Variants in DHX15 observed in about 807,000 individuals in gnomAD.
DHX15 encodes the protein ATP-dependent RNA helicase DHX15.
In DHX15, 11 loss-of-function variants were observed where a neutral mutation model predicts 94.4. The observed-to-expected ratio is 0.12, with a 90% confidence interval of 0.07 to 0.19. The LOEUF is 0.19. Among genes scored for constraint, DHX15 ranks in the 10% least tolerant of loss-of-function variants. DHX15 has a pLI of 1.00. For synonymous variants in DHX15, 338 were observed against 329.9 expected (o/e 1.02, Z -0.27); for missense variants, 304 against 988.5 (o/e 0.31, Z 9.29).
intron 13 of DHX15, 54 bp from the exon 14 acceptor site, chr4:24,528,095 G>A: frequency 8.0e-7 from 1 of 1,249,720 alleles, no homozygotes; most frequent in Non-Finnish European, 1.2e-6. Flanking sequence ...TGAAGTACTG[G>A]AGTTGTTAAT....
intron 2 of DHX15, among the ~76,000 whole-genome samples, chr4:24,574,041 CAA>C (rs10567935): frequency 0.071 from 9,041 of 127,678 alleles, 357 homozygotes; most frequent in African/African-American, 0.12. Flanking sequence ...ATTAAAAATA[CAA>C]AAAAAAAAAA....
chr4:24,530,046 A>T (rs535320859), intron 12 of DHX15: 4 of 480,378 alleles, frequency 8.3e-6, no homozygotes, highest in Non-Finnish European at 1.1e-5. Context: ...TCCGTGAAGC[A>T]TGAGTAGCAT....
chr4:24,559,387 A>AG (rs1553951045), intron 3 of DHX15, among the ~76,000 whole-genome samples: 6 of 148,774 alleles, frequency 4.0e-5, no homozygotes, highest in Non-Finnish European at 6.0e-5. Flanking sequence ...AAAAAAAAAA[A>AG]AAAAAAAAAG....
Position 24,576,502 on chromosome 4 carries a change from G to A in DHX15, c.248C>T (p.Ala83Val), listed in dbSNP as rs1341748575. 6.2e-7 allele frequency: 1 copy of A among 1,614,056 alleles called. No individual in the cohort carries two copies. The highest frequency in any genetic ancestry group is 8.5e-7 in the Non-Finnish European group (1 of 1,180,038). Residue 83 changes from alanine to valine, a missense_variant, in exon 2 of 14, where the codon GCT becomes GTT. Coordinates refer to ENST00000336812, the MANE Select transcript of DHX15 (RefSeq NM_001358.3). The stretch of plus-strand genomic sequence containing the variant: ...TGAATGTGCTGAGTGGGTTGAGTGA[G>A]CTGAATGGGAAGCTTTCAAAGGTGG... ...GLPPLKASHS[A>V]HSTHSAHSTH...
In DHX15 at chr4:24,527,828, C is replaced by T; in HGVS notation, c.*96G>A. ...AATTAAAAAGCTTTCAAATAAAGGC[C>T]ATTATCGAACCAACGTGAAGAGCAC... On this transcript the variant is annotated 3_prime_UTR_variant, in exon 14 of 14. Transcript: ENST00000336812. 1 of 754,490 alleles carries T rather than the reference C, an allele frequency of 1.3e-6. No individual in the cohort carries two copies. Among genetic ancestry groups the T allele is most frequent in the Non-Finnish European group, 2.2e-6 (1 of 444,852 alleles). The allele number at this position is 754,490 out of a possible 1,614,324, so 46.7% of individuals were successfully genotyped here. A position where few individuals can be genotyped will look rare whatever the true frequency, so the allele number is the denominator to read the frequency against.
At chr4:24,550,359 C>T (rs1721569563) in intron 5 of DHX15, among the ~76,000 whole-genome samples, 1 of 152,014 alleles carries the variant, frequency 6.6e-6, no homozygotes. Flanking sequence ...CTTACTACAA[C>T]TTTTTAACTT....
chr4:24,547,937 A>ATATATATATCTATATCTATATC (rs1721481230), intron 6 of DHX15, among the ~76,000 whole-genome samples: 1 of 34,018 alleles, frequency 2.9e-5, no homozygotes, highest in African/African-American at 1.0e-4. Context: ...ATATATATAT[A>ATATATATATCTATATCTATATC]TATATCTATA....
At chr4:24,542,323 T>G (rs1721329413) in intron 7 of DHX15, among the ~76,000 whole-genome samples, 1 of 152,166 alleles carries the variant, frequency 6.6e-6, no homozygotes. Context: ...GCTTTTTATA[T>G]GCTGGGCAGT....
chr4:24,548,907 C>T lies in DHX15; in HGVS notation c.1196G>A (p.Arg399His), dbSNP rs754378482. The T allele has an allele frequency of 3.1e-6, 5 of 1,613,176 alleles. No homozygotes were observed. The highest frequency in any genetic ancestry group is 2.7e-5 in the African/African-American group (2 of 74,904). Reference protein sequence around the residue: ...YSTLPPQQQQRIFEPPPPKKQ... With the variant: ...YSTLPPQQQQHIFEPPPPKKQ... ...TTTGGGAGGTGGAGGCTCAAAAATGCGTTGCTGCTGCTGAGGTGGAAGTGT... is the reference window on the plus strand; with the variant it reads ...TTTGGGAGGTGGAGGCTCAAAAATGTGTTGCTGCTGCTGAGGTGGAAGTGT... Residue 399 changes from arginine (R) to histidine (H), a missense_variant, in exon 6 of 14, where the codon CGC becomes CAC. Arg to His is a conservative substitution (Grantham distance 29). Transcript: ENST00000336812.
At chr4:24,538,463 A>G (rs1721237383) in intron 10 of DHX15, 1 of 152,258 alleles carries the variant, frequency 6.6e-6, no homozygotes, top group African/African-American at 2.4e-5. Context: ...ACTAGCCACT[A>G]GAGTTAAGTG....
chr4:24,527,681 C>G lies in DHX15; in HGVS notation c.*243G>C, dbSNP rs1028420819. On this transcript the variant is annotated 3_prime_UTR_variant, in exon 14 of 14. Coordinates refer to ENST00000336812, the MANE Select transcript of DHX15 (RefSeq NM_001358.3). ...GCTTATAACATTGTTATATATAGAA[C>G]TACTTTCAATAAACTGCAAAACATT... is the stretch of plus-strand genomic sequence containing the variant. 1.2e-5 allele frequency: 5 copies of G among 416,284 alleles called. No individual in the cohort carries two copies. The highest frequency in any genetic ancestry group is 2.2e-5 in the Non-Finnish European group (5 of 231,620). The allele number at this position is 416,284 out of a possible 1,614,324, so 25.8% of individuals were successfully genotyped here. A position where few individuals can be genotyped will look rare whatever the true frequency, so the allele number is the denominator to read the frequency against.
At chr4:24,551,618 G>A (rs751098481) in intron 5 of DHX15, among the ~76,000 whole-genome samples, 11 of 152,018 alleles carry the variant, frequency 7.2e-5, no homozygotes, top group South Asian at 6.2e-4. Flanking sequence ...ATAACAAAGC[G>A]AACAAATATT....
intron 11 of DHX15, chr4:24,534,097 T>C (rs561079003): frequency 1.1e-4 from 17 of 152,350 alleles, no homozygotes; most frequent in African/African-American, 3.6e-4. Context: ...AAATAGATTT[T>C]TGAATTAAAG....
intron 11 of DHX15, among the ~76,000 whole-genome samples, chr4:24,535,106 T>C (rs539766843): frequency 1.6e-4 from 25 of 152,226 alleles, no homozygotes; most frequent in African/African-American, 5.3e-4. Context: ...TGGCTAATCA[T>C]CCCTTTGGCA....
intron 5 of DHX15, among the ~76,000 whole-genome samples, chr4:24,550,118 A>AAAAAAAAAC (rs1560766877): frequency 3.4e-5 from 5 of 145,274 alleles, no homozygotes; most frequent in African/African-American, 1.0e-4. Flanking sequence ...AAAAAAAAAA[A>AAAAAAAAAC]AAAAACGGTA....
chr4:24,553,781 TC>T (rs950320359), intron 5 of DHX15, among the ~76,000 whole-genome samples: 3 of 151,866 alleles, frequency 2.0e-5, no homozygotes, highest in Non-Finnish European at 4.4e-5. Flanking sequence ...CTGTCTTCCC[TC>T]CCCACCCCCA....
chr4:24,584,327 C>A lies in DHX15; in HGVS notation c.67G>T (p.Asp23Tyr). ...CGCGCCCCCGGCCTGGCTTACCCAT[C>A]GGTCCCCGCACGCTTCTTGCCAGAG... ...YPSGKKRAGTDGKDRDRDRDR... is the reference protein window; with the variant it reads ...YPSGKKRAGTYGKDRDRDRDR... The change falls in exon 1 of 14, where the codon GAT becomes TAT. Residue 23 changes from aspartate (D) to tyrosine (Y), a missense_variant. Asp to Tyr is a radical substitution (Grantham distance 160). Transcript: ENST00000336812. The A allele has an allele frequency of 6.2e-7, 1 of 1,612,216 alleles. No homozygotes were observed. Among genetic ancestry groups the A allele is most frequent in the South Asian group, 1.1e-5 (1 of 90,706 alleles).
At chr4:24,528,188 C>A in intron 13 of DHX15, 147 bp from the exon 14 acceptor site, 1 of 582,166 alleles carries the variant, frequency 1.7e-6, no homozygotes, top group South Asian at 2.4e-5. Context: ...AATAACTAAT[C>A]CTTACAAATA....
Position 24,576,419 on chromosome 4 carries a change from G to A in DHX15, c.331C>T (p.Leu111Phe), listed in dbSNP as rs1357723251. Residue 111 changes from leucine to phenylalanine, a missense_variant, in exon 2 of 14, where the codon CTT becomes TTT. Leu to Phe is a conservative substitution (Grantham distance 22). This residue lies in a region of DHX15 where 143 missense variants were observed against 200.5 expected (regional missense o/e 0.71). Coordinates refer to ENST00000336812, the MANE Select transcript of DHX15 (RefSeq NM_001358.3). Reference protein sequence around the residue: ...THAGHAGHTSLPQCINPFTNL... With the variant: ...THAGHAGHTSFPQCINPFTNL... ...GTGAACGGATTAATGCACTGTGGAA[G>A]TGACGTGTGACCTGCATGTCCGGCA... 20 of 1,614,038 alleles carry A rather than the reference G, an allele frequency of 1.2e-5. No individual in the cohort carries two copies. The highest frequency in any genetic ancestry group is 1.6e-5 in the Non-Finnish European group (19 of 1,180,032).
Sources: gnomAD v4.1 joint callset for allele counts (sites outside exome capture counted in the v4.1 genomes callset) on GRCh38, gnomAD v4.1.1 for gene constraint, gnomAD v4.1.1 regional missense constraint, MANE v1.5 for transcripts, NCBI Gene and HGNC (gene_info 2026-07-23, HGNC 2026-07-21) for gene names.